SDK1: variants seen among roughly 807,000 people sequenced by gnomAD.
SDK1 encodes protein sidekick-1.
Under a neutral mutation model 245.5 loss-of-function variants are expected in SDK1, and 157 were observed. That is an observed-to-expected ratio of 0.64 (90% CI 0.56 to 0.73). The LOEUF (loss-of-function observed/expected upper bound fraction) is 0.73, where lower values mean the gene tolerates loss of function less well. Ranked by LOEUF, SDK1 falls within the 30% of genes least tolerant of loss-of-function variation. SDK1 has a pLI of 0.00. For missense variants in SDK1, 3,583 were observed against 3,002.3 expected, an observed-to-expected ratio of 1.19 and a Z score of -4.52; for synonymous variants, 1,647 against 1,278.5, an observed-to-expected ratio of 1.29 and a Z score of -6.15.
intron 35 of SDK1, among the ~76,000 whole-genome samples, chr7:4,196,999 G>A (rs1410316631): frequency 6.6e-6 from 1 of 152,258 alleles, no homozygotes; most frequent in East Asian, 1.9e-4. Context: ...TCCTGTTGGA[G>A]CATGCTATTT....
chr7:3,458,233 A>G (rs1583886836), intron 1 of SDK1, among the ~76,000 whole-genome samples: 1 of 151,806 alleles, frequency 6.6e-6, no homozygotes, highest in East Asian at 1.9e-4. Context: ...TTGTGGGAAG[A>G]TATATTATTT....
At chr7:3,346,582 T>TGACTCAACTGCAGTCTCC (rs1780502855) in intron 1 of SDK1, among the ~76,000 whole-genome samples, 1 of 151,028 alleles carries the variant, frequency 6.6e-6, no homozygotes, top group African/African-American at 2.4e-5. Flanking sequence ...GATGTGATCA[T>TGACTCAACTGCAGTCTCC]GACTCAACTG....
At chr7:4,223,710 A>C (rs1341360705) in intron 40 of SDK1, among the ~76,000 whole-genome samples, 1 of 152,142 alleles carries the variant, frequency 6.6e-6, no homozygotes, top group Non-Finnish European at 1.5e-5. Context: ...AAATAAGCTC[A>C]TTGGGAGGTA....
At position 3,341,099 on chromosome 7, in the gene SDK1, A is replaced by G. The variant is rs537663436; in HGVS notation, c.298+39215A>G. On this transcript the variant is annotated intron_variant, in intron 1 of 44. Transcript: ENST00000404826. ...ACTCCACAGTTCAGTATCGCTCATG[A>G]ACTTAAAGGCAATGATCCTCAAGAA... 5.3e-5 allele frequency among the ~76,000 whole-genome samples: 8 copies of G among 152,282 alleles called. No homozygotes were observed. The East Asian group carries it at 1.5e-3, about 29-fold the overall frequency.
chr7:3,582,505 C>G (rs914488733), intron 1 of SDK1, among the ~76,000 whole-genome samples: 1 of 151,852 alleles, frequency 6.6e-6, no homozygotes, highest in Middle Eastern at 3.2e-3. Context: ...CCTCCACTCT[C>G]AAGTAGGCCC....
intron 4 of SDK1, among the ~76,000 whole-genome samples, chr7:3,685,924 G>A (rs547257407): frequency 6.6e-6 from 1 of 151,902 alleles, no homozygotes; most frequent in African/African-American, 2.4e-5. Context: ...AAATGTAACA[G>A]ATCTAAATAT....
chr7:3,512,065 A>C (rs972273150), intron 1 of SDK1, among the ~76,000 whole-genome samples: 4 of 151,710 alleles, frequency 2.6e-5, no homozygotes, highest in African/African-American at 7.3e-5. Flanking sequence ...TCATCATCAC[A>C]GTTTCCTACA....
chr7:4,161,981 GGA>G (rs1378348071), intron 32 of SDK1, 125 bp downstream of exon 32: 1 of 781,594 alleles, frequency 1.3e-6, no homozygotes, highest in Non-Finnish European at 2.2e-6. Context: ...GTAGAACCAA[GGA>G]GACACACCCT....
chr7:4,129,802 G>A, intron 26 of SDK1, 106 bp from the exon 27 acceptor site: 3 of 1,550,782 alleles, frequency 1.9e-6, no homozygotes, highest in Non-Finnish European at 2.6e-6. Context: ...CAGGGAGAAA[G>A]CACAGTTGGC....
chr7:4,222,205 A>G (rs1028228048), intron 40 of SDK1, among the ~76,000 whole-genome samples: 1 of 152,218 alleles, frequency 6.6e-6, no homozygotes, highest in Admixed American at 6.5e-5. Context: ...CCCCAAAGCT[A>G]CATCTGTCAC....
chr7:3,329,180 C>G (rs1355802838), intron 1 of SDK1, among the ~76,000 whole-genome samples: 5 of 152,040 alleles, frequency 3.3e-5, no homozygotes, highest in African/African-American at 1.2e-4. Context: ...TGAGGCATAT[C>G]ATTTTACATT....
chr7:3,765,999 G>T (rs1210989771), intron 4 of SDK1, among the ~76,000 whole-genome samples: 2 of 152,108 alleles, frequency 1.3e-5, no homozygotes, highest in Non-Finnish European at 2.9e-5. Flanking sequence ...GTAATACAAA[G>T]AATTGATCAC....
chr7:3,663,464 C>G (rs576497393), intron 4 of SDK1, among the ~76,000 whole-genome samples: 1 of 152,066 alleles, frequency 6.6e-6, no homozygotes, highest in Non-Finnish European at 1.5e-5. Context: ...CAGGGCCTTG[C>G]TTGTTTGCAT....
intron 1 of SDK1, among the ~76,000 whole-genome samples, chr7:3,332,743 C>T (rs1780101153): frequency 6.6e-6 from 1 of 152,180 alleles, no homozygotes; most frequent in Non-Finnish European, 1.5e-5. Context: ...GACATTCAGC[C>T]AGTAAGGTGC....
intron 12 of SDK1, among the ~76,000 whole-genome samples, chr7:3,972,860 C>T (rs1782597172): frequency 6.6e-6 from 1 of 152,158 alleles, no homozygotes; most frequent in African/African-American, 2.4e-5. Flanking sequence ...TACGTGGGTG[C>T]CGAATGCAAA....
At chr7:4,011,300 G>A (rs1373215401) in intron 15 of SDK1, among the ~76,000 whole-genome samples, 187 bp downstream of exon 15, 2 of 152,248 alleles carry the variant, frequency 1.3e-5, no homozygotes, top group East Asian at 3.8e-4. Context: ...GACTTAGCTG[G>A]GCCTTCCTTC....
intron 1 of SDK1, among the ~76,000 whole-genome samples, chr7:3,408,679 T>G (rs1373373657): frequency 6.6e-6 from 1 of 152,206 alleles, no homozygotes; most frequent in Non-Finnish European, 1.5e-5. Flanking sequence ...GACCTGTACT[T>G]GAATTAACTG....
At chr7:4,101,310 C>G (rs1017341943) in intron 22 of SDK1, among the ~76,000 whole-genome samples, 1 of 152,106 alleles carries the variant, frequency 6.6e-6, no homozygotes, top group Non-Finnish European at 1.5e-5. Context: ...CCACGCCCGG[C>G]TAATTTTTTG....
At chr7:3,750,919 G>A (rs542087477) in intron 4 of SDK1, among the ~76,000 whole-genome samples, 11 of 152,212 alleles carry the variant, frequency 7.2e-5, no homozygotes, top group Admixed American at 1.3e-4. Flanking sequence ...CAGCACAGAA[G>A]AGGTATATGT....
Sources: gnomAD v4.1 joint callset for allele counts (sites outside exome capture counted in the v4.1 genomes callset) on GRCh38, gnomAD v4.1.1 for gene constraint, MANE v1.5 for transcripts, NCBI Gene and HGNC (gene_info 2026-07-23, HGNC 2026-07-21) for gene names.